The following LRP8 variants were observed in gnomAD, a reference collection of about 807,000 sequenced individuals.
The protein encoded by LRP8 is LDL receptor related protein 8.
A neutral mutation model predicts 111.6 loss-of-function variants in LRP8; 46 were observed. The ratio of observed to expected loss-of-function variants is 0.41; its 90% CI spans 0.33 to 0.53. The LOEUF (loss-of-function observed/expected upper bound fraction) is 0.53. Among genes scored for constraint, LRP8 ranks in the 20% least tolerant of loss-of-function variants. LRP8 has a pLI of 0.20. For missense variants in LRP8, 959 were observed against 1,297.4 expected (o/e 0.74, Z 4.01); for synonymous variants, 464 against 511.2 (o/e 0.91, Z 1.24).
intron 1 of LRP8, among the ~76,000 whole-genome samples, chr1:53,327,557 C>T (rs1655318555): frequency 6.6e-6 from 1 of 152,232 alleles, no homozygotes; most frequent in Non-Finnish European, 1.5e-5. Flanking sequence ...CCAAGCCCCC[C>T]TGCACCCCTC....
Position 53,249,494 on chromosome 1 carries a change from C to T in LRP8, c.2739G>A (p.Pro913=), listed in dbSNP as rs771875871. 29 of 1,613,358 alleles carry T rather than the reference C, an allele frequency of 1.8e-5. No homozygotes were observed. The highest frequency in any genetic ancestry group is 1.8e-4 in the South Asian group (16 of 91,054). The part of the protein sequence containing the change: ...AEPCLGETRE[P]EDPAPALKEL... ...CCTTGAGGGCAGGGGCTGGGTCTTCCGGTTCTCTGGTCTCCCCAAGACAGG... is the reference window on the plus strand; with the variant it reads ...CCTTGAGGGCAGGGGCTGGGTCTTCTGGTTCTCTGGTCTCCCCAAGACAGG... The change falls in exon 18 of 19, where the codon CCG becomes CCA. Residue 913 remains proline, a synonymous_variant. Coordinates refer to ENST00000306052, the MANE Select transcript of LRP8 (RefSeq NM_004631.5). The surrounding 1 kb of genome is among the most constrained non-coding windows in gnomAD (Gnocchi z 4.1).
intron 2 of LRP8, among the ~76,000 whole-genome samples, chr1:53,311,340 G>T (rs1276642708): frequency 2.6e-5 from 4 of 152,160 alleles, no homozygotes; most frequent in Non-Finnish European, 4.4e-5. Context: ...CAGGTGGCGG[G>T]CTTACCCTTT....
At chr1:53,282,336 C>T (rs1647141324) in intron 3 of LRP8, among the ~76,000 whole-genome samples, 1 of 152,214 alleles carries the variant, frequency 6.6e-6, no homozygotes, top group Admixed American at 6.5e-5. Flanking sequence ...AGAAATTTCC[C>T]TTGCTCGAGG....
At position 53,279,908 on chromosome 1, in the gene LRP8, A is replaced by C. The variant is rs554518988; in HGVS notation, c.496+679T>G. Among the ~76,000 whole-genome samples, 172 of 152,330 alleles carry C rather than the reference A, an allele frequency of 1.1e-3. No individual in the cohort carries two copies. The highest frequency in any genetic ancestry group is 3.9e-3 in the African/African-American group (163 of 41,586). On this transcript the variant is annotated intron_variant, in intron 4 of 18. Coordinates refer to ENST00000306052, the MANE Select transcript of LRP8 (RefSeq NM_004631.5). The surrounding 1 kb of genome is among the most constrained non-coding windows in gnomAD (Gnocchi z 4.4). ...AGGTGCCCCTCGAATTGAAAAAGTG[A>C]GGCCTGGCCATGCTCCCCAATGGCC...
intron 2 of LRP8, among the ~76,000 whole-genome samples, chr1:53,318,553 A>G (rs1654098677): frequency 6.6e-6 from 1 of 152,196 alleles, no homozygotes; most frequent in Admixed American, 6.5e-5. Flanking sequence ...AGAAAGGACC[A>G]AGCAAATGCA....
At chr1:53,314,279 T>C (rs1199681201) in intron 2 of LRP8, among the ~76,000 whole-genome samples, 1 of 136,808 alleles carries the variant, frequency 7.3e-6, no homozygotes, top group East Asian at 2.5e-4. Context: ...ATTTCTGTCC[T>C]CACCCTCCAC....
At chr1:53,313,116 G>A (rs1165024040) in intron 2 of LRP8, among the ~76,000 whole-genome samples, 2 of 152,156 alleles carry the variant, frequency 1.3e-5, no homozygotes, top group African/African-American at 4.8e-5. Context: ...AGGGTCTTGG[G>A]TCCTCATCCC....
intron 4 of LRP8, among the ~76,000 whole-genome samples, chr1:53,280,218 T>C (rs2100431353): frequency 6.6e-6 from 1 of 152,262 alleles, no homozygotes; most frequent in East Asian, 1.9e-4. Flanking sequence ...GCTCCAAGAT[T>C]GGCAGACTTG....
At position 53,302,601 on chromosome 1, in the gene LRP8, A is replaced by G. The variant is rs1572626696; in HGVS notation, c.245-12912T>C. Among the ~76,000 whole-genome samples the G allele has an allele frequency of 2.0e-5, 3 of 151,028 alleles. No homozygotes were observed. In the South Asian group the frequency reaches 6.3e-4, roughly 32 times the overall value. On this transcript the variant is annotated intron_variant, in intron 2 of 18. Coordinates refer to ENST00000306052, the MANE Select transcript of LRP8 (RefSeq NM_004631.5). The stretch of plus-strand genomic sequence containing the variant: ...GCTATAGACTCTATGATGAATGTCC[A>G]CCTCTCGCTTTTTCCTTTGCTTGCA...
At position 53,275,515 on chromosome 1, in the gene LRP8, G is replaced by A; in HGVS notation, c.1006+116C>T. 7.2e-7 allele frequency: 1 copy of A among 1,387,196 alleles called. No individual in the cohort carries two copies. Among genetic ancestry groups the A allele is most frequent in the South Asian group, 1.3e-5 (1 of 75,314 alleles). The allele number at this position is 1,387,196 out of a possible 1,614,324, so 85.9% of individuals were successfully genotyped here. ...GATTTAGGGGCAAGTGATGCTCTGG[G>A]GGAAAATGCATCTTGGGGACCAAGG... On this transcript the variant is annotated intron_variant, in intron 6 of 18. Transcript: ENST00000306052. This position sits in a 1 kb window ranked among gnomAD's most constrained non-coding sequence, Gnocchi z 4.4.
intron 2 of LRP8, among the ~76,000 whole-genome samples, chr1:53,306,509 C>G (rs930397747): frequency 6.6e-6 from 1 of 152,238 alleles, no homozygotes; most frequent in Admixed American, 6.5e-5. Flanking sequence ...AGCTCTACCC[C>G]CCGAGCTGCT....
chr1:53,319,246 T>C (rs1215676597), intron 2 of LRP8, among the ~76,000 whole-genome samples: 1 of 152,128 alleles, frequency 6.6e-6, no homozygotes, highest in African/African-American at 2.4e-5. Flanking sequence ...TAAGATGCCC[T>C]CCAGAGTGGC....
At chr1:53,292,800 G>C (rs760108780) in intron 2 of LRP8, among the ~76,000 whole-genome samples, 5 of 152,128 alleles carry the variant, frequency 3.3e-5, no homozygotes, top group African/African-American at 4.8e-5. Context: ...GGTCACAGCT[G>C]GGGGGAGCAG....
At chr1:53,326,572 G>T (rs2100559179) in intron 2 of LRP8, among the ~76,000 whole-genome samples, 1 of 152,340 alleles carries the variant, frequency 6.6e-6, no homozygotes, top group Non-Finnish European at 1.5e-5. Context: ...GGACTGCCGC[G>T]TCCCCGCCCA....
intron 6 of LRP8, among the ~76,000 whole-genome samples, chr1:53,274,493 C>T (rs1646855216): frequency 6.6e-6 from 1 of 152,234 alleles, no homozygotes; most frequent in Admixed American, 6.5e-5. Flanking sequence ...CTGGGATGGA[C>T]AAGCTCTTAG....
chr1:53,319,348 C>T (rs1654198836), intron 2 of LRP8, among the ~76,000 whole-genome samples: 1 of 152,206 alleles, frequency 6.6e-6, no homozygotes, highest in East Asian at 1.9e-4. Context: ...GACAGACTGG[C>T]AGACAGCTTT....
intron 3 of LRP8, among the ~76,000 whole-genome samples, chr1:53,289,037 A>G (rs1332886056): frequency 1.3e-5 from 2 of 152,158 alleles, no homozygotes; most frequent in Non-Finnish European, 2.9e-5. Context: ...GGGTAGAGGA[A>G]CGGGCCAGAG....
rs1227208616 is a variant in LRP8, at chr1:53,279,370, A to G, written c.496+1217T>C. 6.6e-6 allele frequency among the ~76,000 whole-genome samples: 1 copy of G among 152,184 alleles called. No homozygotes were observed. The highest frequency in any genetic ancestry group is 2.4e-5 in the African/African-American group (1 of 41,448). ...ACATGCCCTAGTTGGAGAGACTCCCATCCCTTGCAGTAGCGGCCTTCATAT... is the reference window on the plus strand; with the variant it reads ...ACATGCCCTAGTTGGAGAGACTCCCGTCCCTTGCAGTAGCGGCCTTCATAT... On this transcript the variant is annotated intron_variant, in intron 4 of 18. Transcript: ENST00000306052. The surrounding 1 kb of genome is among the most constrained non-coding windows in gnomAD (Gnocchi z 4.4).
Position 53,262,200 on chromosome 1 carries a change from C to T in LRP8, c.1782G>A (p.Leu594=). 6.2e-7 allele frequency: 1 copy of T among 1,613,266 alleles called. No homozygotes were observed. Among genetic ancestry groups the T allele is most frequent in the Non-Finnish European group, 8.5e-7 (1 of 1,179,954 alleles). Residue 594 remains leucine, a synonymous_variant, in exon 12 of 19, where the codon CTG becomes CTA. Coordinates refer to ENST00000306052, the MANE Select transcript of LRP8 (RefSeq NM_004631.5). The surrounding 1 kb of genome is among the most constrained non-coding windows in gnomAD (Gnocchi z 4.8). ...EWPNGITLDL[L]SQRLYWVDSK... ...AGTCTACCCAGTACAAGCGCTGGCTCAGCAGATCTTGGGAAGGAAGCAGGA... is the reference window on the plus strand; with the variant it reads ...AGTCTACCCAGTACAAGCGCTGGCTTAGCAGATCTTGGGAAGGAAGCAGGA...
Sources: allele counts gnomAD v4.1 joint callset (sites outside exome capture counted in the v4.1 genomes callset), GRCh38; gene constraint gnomAD v4.1.1; non-coding constraint Gnocchi (gnomAD v3.1); transcripts MANE v1.5; gene names NCBI Gene and HGNC (gene_info 2026-07-23, HGNC 2026-07-21).